MMP26: variants seen among roughly 807,000 people sequenced by gnomAD.
MMP26 encodes the protein matrix metallopeptidase 26.
MMP26 carries 33 observed loss-of-function variants against 31.0 expected under a neutral mutation model. The ratio of observed to expected loss-of-function variants is 1.06; its 90% CI spans 0.81 to 1.42. The LOEUF (loss-of-function observed/expected upper bound fraction) is 1.42. MMP26 is among the 40% of genes most tolerant of loss of function. The probability of loss-of-function intolerance (pLI) is 0.00; values close to 1 mark genes in which losing one functional copy is unlikely to be tolerated. For synonymous variants in MMP26, 122 were observed against 114.9 expected (o/e 1.06, Z -0.40); for missense variants, 347 against 316.1 (o/e 1.10, Z -0.74).
At chr11:4,821,126 G>A (rs1049410924) in intron 2 of MMP26, among the ~76,000 whole-genome samples, 6 of 152,132 alleles carry the variant, frequency 3.9e-5, no homozygotes, top group South Asian at 4.1e-4. Context: ...ATTGGCAGAC[G>A]TGACTTAATT....
chr11:4,827,376 A>G (rs2133477340), intron 2 of MMP26, among the ~76,000 whole-genome samples: 1 of 152,292 alleles, frequency 6.6e-6, no homozygotes, highest in South Asian at 2.1e-4. Context: ...GTCAATTAAA[A>G]TGATATGCTT....
At chr11:4,712,101 A>G (rs1201006297) in intron 1 of MMP26, 1 of 152,188 alleles carries the variant, frequency 6.6e-6, no homozygotes, top group African/African-American at 2.4e-5. Flanking sequence ...TGCTTTATTA[A>G]TAATAGCTAC....
chr11:4,928,630 A>T (rs74052625), intron 2 of MMP26, among the ~76,000 whole-genome samples: 197 of 152,214 alleles, frequency 1.3e-3, no homozygotes, highest in African/African-American at 4.4e-3. Context: ...CCAGTTTTAG[A>T]TCTGTCTCAG....
At chr11:4,822,598 CT>C (rs1429851927) in intron 2 of MMP26, 1 of 397,404 alleles carries the variant, frequency 2.5e-6, no homozygotes, top group African/African-American at 2.1e-5. Context: ...ATATAAACAA[CT>C]AATTATATTT....
At chr11:4,928,655 A>T (rs1000351372) in intron 2 of MMP26, among the ~76,000 whole-genome samples, 3 of 151,740 alleles carry the variant, frequency 2.0e-5, no homozygotes, top group Admixed American at 6.6e-5. Context: ...TTTAATTTTT[A>T]TTTTTTTTCA....
intron 2 of MMP26, among the ~76,000 whole-genome samples, chr11:4,830,783 C>G (rs1319922974): frequency 6.6e-6 from 1 of 152,148 alleles, no homozygotes; most frequent in Non-Finnish European, 1.5e-5. Flanking sequence ...TGATCAGGAT[C>G]AAACCCAAAT....
At chr11:4,882,876 G>T (rs780617714) in intron 2 of MMP26, 1 of 1,609,920 alleles carries the variant, frequency 6.2e-7, no homozygotes, top group Non-Finnish European at 8.5e-7. Context: ...AGGGGAAGAT[G>T]GGATTGAAGG....
At chr11:4,959,743 G>T (rs1158185726) in intron 2 of MMP26, among the ~76,000 whole-genome samples, 1 of 152,086 alleles carries the variant, frequency 6.6e-6, no homozygotes, top group African/African-American at 2.4e-5. Context: ...TATGTTACAA[G>T]ACCCTTAGAG....
intron 1 of MMP26, among the ~76,000 whole-genome samples, chr11:4,766,108 C>A (rs1848625246): frequency 6.6e-6 from 1 of 152,152 alleles, no homozygotes; most frequent in African/African-American, 2.4e-5. Context: ...ACTATTCAAT[C>A]CAGAGGGCAT....
chr11:4,738,768 A>G (rs1451782448), intron 1 of MMP26, among the ~76,000 whole-genome samples: 1 of 152,090 alleles, frequency 6.6e-6, no homozygotes, highest in Non-Finnish European at 1.5e-5. Flanking sequence ...TGAATTTTTG[A>G]AAGCGTTCCT....
At chr11:4,774,190 T>C (rs1321808246) in intron 2 of MMP26, among the ~76,000 whole-genome samples, 1 of 152,056 alleles carries the variant, frequency 6.6e-6, no homozygotes, top group African/African-American at 2.4e-5. Flanking sequence ...GTATTTCTGG[T>C]TGAGGAATCG....
At chr11:4,731,257 A>G (rs1439484559) in intron 1 of MMP26, among the ~76,000 whole-genome samples, 1 of 152,154 alleles carries the variant, frequency 6.6e-6, no homozygotes, top group Admixed American at 6.5e-5. Context: ...TATTTTCAGT[A>G]GGCCACTTTG....
chr11:4,966,802 A>AT (rs1354762736), intron 2 of MMP26, among the ~76,000 whole-genome samples: 1 of 152,128 alleles, frequency 6.6e-6, no homozygotes, highest in East Asian at 1.9e-4. Context: ...TATTTGCTGG[A>AT]TGGTGCAAGC....
At chr11:4,871,729 A>G (rs1404955206) in intron 2 of MMP26, 1 of 152,102 alleles carries the variant, frequency 6.6e-6, no homozygotes, top group African/African-American at 2.4e-5. Context: ...TGTCTCCTAG[A>G]CCATACTTTG....
intron 2 of MMP26, among the ~76,000 whole-genome samples, chr11:4,931,513 TAGAG>T (rs1455335455): frequency 6.6e-6 from 1 of 152,044 alleles, no homozygotes; most frequent in East Asian, 1.9e-4. Context: ...GTTTTATATA[TAGAG>T]AGATTTATAT....
intron 2 of MMP26, among the ~76,000 whole-genome samples, chr11:4,865,769 C>T (rs1554887803): frequency 6.6e-6 from 1 of 152,056 alleles, no homozygotes; most frequent in Non-Finnish European, 1.5e-5. Flanking sequence ...AAAGCTTGGT[C>T]AACTAAGACT....
At chr11:4,721,232 C>T (rs182222531) in intron 1 of MMP26, among the ~76,000 whole-genome samples, 16 of 152,244 alleles carry the variant, frequency 1.1e-4, no homozygotes, top group African/African-American at 3.9e-4. Context: ...TCAATATGGT[C>T]ATGATAGGGG....
chr11:4,771,808 A>C (rs1375612476), intron 2 of MMP26, among the ~76,000 whole-genome samples: 1 of 152,214 alleles, frequency 6.6e-6, no homozygotes, highest in Admixed American at 6.5e-5. Flanking sequence ...GAAAATATTT[A>C]AGTATGAATT....
At chr11:4,984,090 G>A (rs911059733) in intron 2 of MMP26, among the ~76,000 whole-genome samples, 1 of 152,136 alleles carries the variant, frequency 6.6e-6, no homozygotes, top group Non-Finnish European at 1.5e-5. Flanking sequence ...ATCTGTGCCG[G>A]CCCTATCGGA....
Sources: allele counts gnomAD v4.1 joint callset (sites outside exome capture counted in the v4.1 genomes callset), GRCh38; gene constraint gnomAD v4.1.1; transcripts MANE v1.5; gene names NCBI Gene and HGNC (gene_info 2026-07-23, HGNC 2026-07-21).